RNF216: variants seen among roughly 807,000 people sequenced by gnomAD.
RNF216 encodes the protein E3 ubiquitin-protein ligase RNF216.
In RNF216, 72 loss-of-function variants were observed where a neutral mutation model predicts 110.8. The ratio of observed to expected loss-of-function variants is 0.65; its 90% CI spans 0.54 to 0.79. The LOEUF (loss-of-function observed/expected upper bound fraction) is 0.79. Ranked by LOEUF, RNF216 falls within the 30% of genes least tolerant of loss-of-function variation. RNF216 has a pLI of 0.00. For missense variants in RNF216, 1,342 were observed against 1,141.2 expected, an observed-to-expected ratio of 1.18 and a Z score of -2.54; for synonymous variants, 495 against 407.5, an observed-to-expected ratio of 1.21 and a Z score of -2.59.
chr7:5,778,950 G>T (rs1453774643), intron 1 of RNF216, among the ~76,000 whole-genome samples: 1 of 152,180 alleles, frequency 6.6e-6, no homozygotes, highest in Non-Finnish European at 1.5e-5. Context: ...CACCATGTTG[G>T]CCAGGCTGGT....
chr7:5,743,697 G>A (rs928015928), intron 3 of RNF216, among the ~76,000 whole-genome samples: 11 of 152,182 alleles, frequency 7.2e-5, no homozygotes, highest in African/African-American at 2.7e-4. Context: ...GAAAAGACCT[G>A]GAAGGATACA....
chr7:5,688,297 T>C (rs1562392300), intron 13 of RNF216, among the ~76,000 whole-genome samples: 1 of 152,126 alleles, frequency 6.6e-6, no homozygotes, highest in Non-Finnish European at 1.5e-5. Context: ...AACCTGTACA[T>C]AAAAAAACAG....
intron 13 of RNF216, among the ~76,000 whole-genome samples, chr7:5,671,374 C>A (rs1440077207): frequency 2.6e-5 from 4 of 152,190 alleles, no homozygotes; most frequent in African/African-American, 9.7e-5. Context: ...ACTGTGTCTC[C>A]CTCAAATGCA....
chr7:5,712,073 C>T (rs973025501), intron 12 of RNF216, among the ~76,000 whole-genome samples: 3 of 152,174 alleles, frequency 2.0e-5, no homozygotes, highest in African/African-American at 7.2e-5. Flanking sequence ...TCAATAAACA[C>T]GTCCCAACCT....
At chr7:5,655,864 G>A (rs1471755452) in intron 13 of RNF216, among the ~76,000 whole-genome samples, 1 of 152,014 alleles carries the variant, frequency 6.6e-6, no homozygotes. Flanking sequence ...GCTCTTGAAT[G>A]GTTTTTTTTT....
In RNF216 at chr7:5,627,362, C is replaced by T. The variant is rs547443303; in HGVS notation, c.2383-3237G>A. ...CAGTGAGGAGTGTGGCAGCCTTGGCCCTCCTTGTGAGGGCCTCACGTCTCT... is the reference window on the plus strand; with the variant it reads ...CAGTGAGGAGTGTGGCAGCCTTGGCTCTCCTTGTGAGGGCCTCACGTCTCT... On this transcript the variant is annotated intron_variant, in intron 15 of 16. Transcript: ENST00000389902. Among the ~76,000 whole-genome samples the T allele has an allele frequency of 1.6e-4, 25 of 152,282 alleles. No individual in the cohort carries two copies. The South Asian group carries it at 4.1e-3, about 25-fold the overall frequency.
At chr7:5,668,018 T>C (rs930175900) in intron 13 of RNF216, among the ~76,000 whole-genome samples, 1 of 152,164 alleles carries the variant, frequency 6.6e-6, no homozygotes, top group African/African-American at 2.4e-5. Flanking sequence ...GGGCGCTGTG[T>C]AAAGATGGCA....
intron 13 of RNF216, among the ~76,000 whole-genome samples, chr7:5,671,072 T>G (rs1478414946): frequency 6.6e-6 from 1 of 152,246 alleles, no homozygotes; most frequent in Non-Finnish European, 1.5e-5. Context: ...TTACAGAAAC[T>G]GCTCTAAATA....
intron 13 of RNF216, among the ~76,000 whole-genome samples, chr7:5,703,642 GAT>G (rs1382967606): frequency 1.3e-5 from 2 of 152,348 alleles, no homozygotes; most frequent in African/African-American, 2.4e-5. Flanking sequence ...GGTGAGAAAA[GAT>G]AAATAAATAC....
rs778471742 is a variant in RNF216, at chr7:5,712,754, T to C, written c.1943A>G (p.Glu648Gly). ...ILYKYYERKAEEEVAAAYADE... is the reference protein window; with the variant it reads ...ILYKYYERKAGEEVAAAYADE... ...GGCGTAGGCTGCCGCAACCTCCTCC[T>C]CGGCTTTTCGCTCATAGTACTTATA... The change falls in exon 12 of 17, where the codon GAG becomes GGG. Residue 648 changes from glutamate to glycine, a missense_variant. Physicochemically the swap from Glu to Gly is moderately conservative, Grantham distance 98 (BLOSUM62 -2). Coordinates refer to ENST00000389902, the MANE Select transcript of RNF216 (RefSeq NM_207111.4). 1 of 1,614,106 alleles carries C rather than the reference T, an allele frequency of 6.2e-7. No individual in the cohort carries two copies. Among genetic ancestry groups the C allele is most frequent in the Non-Finnish European group, 8.5e-7 (1 of 1,180,026 alleles).
chr7:5,633,112 TG>T (rs1340059967), intron 15 of RNF216, among the ~76,000 whole-genome samples: 1 of 151,882 alleles, frequency 6.6e-6, no homozygotes, highest in Admixed American at 6.5e-5. Flanking sequence ...CCCAAGCAGC[TG>T]GGAGTACAGG....
chr7:5,686,779 T>C (rs1791013568), intron 13 of RNF216, among the ~76,000 whole-genome samples: 1 of 152,194 alleles, frequency 6.6e-6, no homozygotes, highest in Admixed American at 6.5e-5. Context: ...TGGAAGACTA[T>C]TTTTCCACGG....
intron 14 of RNF216, among the ~76,000 whole-genome samples, chr7:5,642,442 G>C (rs561975035): frequency 7.1e-4 from 106 of 149,778 alleles, no homozygotes; most frequent in Admixed American, 2.1e-3. Flanking sequence ...TGGAACTCCC[G>C]ACCTCAGGTG....
intron 13 of RNF216, among the ~76,000 whole-genome samples, chr7:5,669,242 A>G (rs1789741375): frequency 6.6e-6 from 1 of 152,188 alleles, no homozygotes; most frequent in African/African-American, 2.4e-5. Flanking sequence ...TCCGACACAT[A>G]GTAAAGTTGA....
At position 5,769,906 on chromosome 7, in the gene RNF216, G is replaced by A. The variant is rs963877275; in HGVS notation, c.-69-8768C>T. Among the ~76,000 whole-genome samples, 65 of 43,280 alleles carry A rather than the reference G, an allele frequency of 1.5e-3. 1 individual carries two copies. In the South Asian group the frequency reaches 0.027, roughly 18 times the overall value. 28.4% of individuals were successfully genotyped at this position (43,280 alleles called of 152,430 possible). A position where few individuals can be genotyped will look rare whatever the true frequency, so the allele number is the denominator to read the frequency against. ...ACAAAAATTAGCCAGGCTTGGTGGCGAGTGCTTGTAGCCAGGAGGCTGAGA... is the reference window on the plus strand; with the variant it reads ...ACAAAAATTAGCCAGGCTTGGTGGCAAGTGCTTGTAGCCAGGAGGCTGAGA... On this transcript the variant is annotated intron_variant, in intron 1 of 16. Transcript: ENST00000389902.
chr7:5,668,519 G>A (rs370732553), intron 13 of RNF216, among the ~76,000 whole-genome samples: 1 of 151,980 alleles, frequency 6.6e-6, no homozygotes, highest in African/African-American at 2.4e-5. Flanking sequence ...CACCGTGCCA[G>A]GCCACAAAGC....
At chr7:5,671,392 A>AATAT in intron 13 of RNF216, among the ~76,000 whole-genome samples, 1 of 152,232 alleles carries the variant, frequency 6.6e-6, no homozygotes, top group South Asian at 2.1e-4. Context: ...GCATATGTGA[A>AATAT]GCCCTCAACT....
chr7:5,637,585 C>T (rs969421657), intron 15 of RNF216, among the ~76,000 whole-genome samples: 9 of 152,226 alleles, frequency 5.9e-5, no homozygotes, highest in African/African-American at 2.2e-4. Flanking sequence ...CTCACTCTGT[C>T]ACCCAGGCAG....
intron 5 of RNF216, among the ~76,000 whole-genome samples, chr7:5,731,041 A>G (rs1185900518): frequency 6.6e-6 from 1 of 152,246 alleles, no homozygotes; most frequent in Non-Finnish European, 1.5e-5. Flanking sequence ...CAATGAACAT[A>G]CTGATTAAGG....
Sources: allele counts gnomAD v4.1 joint callset (sites outside exome capture counted in the v4.1 genomes callset), GRCh38; gene constraint gnomAD v4.1.1; transcripts MANE v1.5; gene names NCBI Gene and HGNC (gene_info 2026-07-23, HGNC 2026-07-21).